ROBO2: variants seen among roughly 807,000 people sequenced by gnomAD.
The protein encoded by ROBO2 is roundabout homolog 2.
In ROBO2, 53 loss-of-function variants were observed where a neutral mutation model predicts 160.8. The ratio of observed to expected loss-of-function variants is 0.33; its 90% CI spans 0.26 to 0.41. The LOEUF (loss-of-function observed/expected upper bound fraction) is 0.41. Among genes scored for constraint, ROBO2 ranks in the 10% least tolerant of loss-of-function variants. The probability of loss-of-function intolerance (pLI) is 1.00; values close to 1 mark genes in which losing one functional copy is unlikely to be tolerated. For missense variants in ROBO2, 1,577 were observed against 1,722.4 expected (o/e 0.92, Z 1.49); for synonymous variants, 664 against 611.7 (o/e 1.09, Z -1.26).
chr3:76,870,123 C>A (rs1014885163), intron 2 of ROBO2, among the ~76,000 whole-genome samples: 1 of 152,166 alleles, frequency 6.6e-6, no homozygotes. Flanking sequence ...GTATGGATTT[C>A]TACTAGAATT....
At chr3:76,717,651 A>G (rs17746728) in intron 2 of ROBO2, among the ~76,000 whole-genome samples, 54,759 of 151,980 alleles carry the variant, frequency 0.36, 11,289 homozygotes, top group Non-Finnish European at 0.47. Context: ...ATTTTTGAAA[A>G]GGAAATATGA....
chr3:77,339,574 C>A (rs2066846427), intron 2 of ROBO2, among the ~76,000 whole-genome samples: 1 of 151,944 alleles, frequency 6.6e-6, no homozygotes. Context: ...CTTAAATAAT[C>A]CATTTAATGA....
At chr3:76,582,271 T>G (rs912924894) in intron 2 of ROBO2, among the ~76,000 whole-genome samples, 5 of 152,164 alleles carry the variant, frequency 3.3e-5, no homozygotes, top group Admixed American at 2.6e-4. Context: ...AGGCAGCCAA[T>G]TTTGTGGTTT....
intron 2 of ROBO2, among the ~76,000 whole-genome samples, chr3:75,986,613 T>C (rs1283912549): frequency 6.6e-6 from 1 of 151,704 alleles, no homozygotes; most frequent in Non-Finnish European, 1.5e-5. Flanking sequence ...TCAGAAATCA[T>C]TGCCAACTCT....
intron 2 of ROBO2, among the ~76,000 whole-genome samples, chr3:77,104,771 T>C (rs778384248): frequency 2.0e-5 from 3 of 152,190 alleles, no homozygotes; most frequent in Non-Finnish European, 4.4e-5. Context: ...TCCATATTAT[T>C]ATGTGACTGT....
At chr3:76,075,227 A>T (rs2068606625) in intron 2 of ROBO2, among the ~76,000 whole-genome samples, 1 of 151,850 alleles carries the variant, frequency 6.6e-6, no homozygotes, top group Admixed American at 6.6e-5. Context: ...AGTATCTACT[A>T]TCCACTATAC....
chr3:76,692,770 G>T (rs1312332148), intron 2 of ROBO2, among the ~76,000 whole-genome samples: 2 of 151,934 alleles, frequency 1.3e-5, no homozygotes, highest in African/African-American at 4.8e-5. Context: ...CATAATCCAA[G>T]TCACTTTTGG....
At chr3:77,262,459 A>T (rs1270378679) in intron 2 of ROBO2, among the ~76,000 whole-genome samples, 1 of 152,130 alleles carries the variant, frequency 6.6e-6, no homozygotes, top group African/African-American at 2.4e-5. Flanking sequence ...GTGTACTGGG[A>T]GTTGTGTATT....
intron 2 of ROBO2, among the ~76,000 whole-genome samples, chr3:77,248,018 G>C (rs1431845077): frequency 3.3e-5 from 5 of 151,978 alleles, no homozygotes; most frequent in Non-Finnish European, 7.4e-5. Flanking sequence ...CCCCCGTCCT[G>C]TGCCTGTAAA....
At chr3:77,596,515 G>T (rs1217701364) in intron 18 of ROBO2, 108 bp from the exon 20 acceptor site, 3 of 1,333,968 alleles carry the variant, frequency 2.2e-6, no homozygotes, top group South Asian at 1.2e-5. Context: ...ATATTAATTT[G>T]AAGTCAATGA....
chr3:77,609,706 TTTA>T (rs2094588844), intron 21 of ROBO2, among the ~76,000 whole-genome samples: 1 of 151,148 alleles, frequency 6.6e-6, no homozygotes, highest in Admixed American at 6.6e-5. Context: ...GGTGCAAATT[TTTA>T]TTATTTAACA....
chr3:77,296,180 C>T (rs368193096), intron 2 of ROBO2, among the ~76,000 whole-genome samples: 21 of 151,090 alleles, frequency 1.4e-4, no homozygotes, highest in African/African-American at 5.1e-4. Context: ...GAGGCTAGAT[C>T]ACCCCAGACA....
chr3:76,923,892 G>A (rs559369380), intron 2 of ROBO2, among the ~76,000 whole-genome samples: 1 of 152,300 alleles, frequency 6.6e-6, no homozygotes, highest in Admixed American at 6.5e-5. Flanking sequence ...ATGCGTTTGT[G>A]TTACCGGGAA....
chr3:76,338,545 T>C (rs1271564797), intron 2 of ROBO2, among the ~76,000 whole-genome samples: 1 of 151,820 alleles, frequency 6.6e-6, no homozygotes, highest in Non-Finnish European at 1.5e-5. Flanking sequence ...TAGTGGTGCA[T>C]GCCTGTAGTA....
chr3:76,153,436 GT>G (rs909467732), intron 2 of ROBO2, among the ~76,000 whole-genome samples: 2 of 152,128 alleles, frequency 1.3e-5, no homozygotes, highest in African/African-American at 4.8e-5. Flanking sequence ...AAAGCATTGA[GT>G]TTTTTGTTGT....
intron 2 of ROBO2, among the ~76,000 whole-genome samples, chr3:76,368,046 TA>T: frequency 6.6e-6 from 1 of 152,034 alleles, no homozygotes; most frequent in Middle Eastern, 3.4e-3. Flanking sequence ...ATGTTTAAAA[TA>T]AAATAGTCAT....
intron 2 of ROBO2, among the ~76,000 whole-genome samples, chr3:76,509,402 G>A (rs1353666176): frequency 6.6e-6 from 1 of 152,180 alleles, no homozygotes; most frequent in Non-Finnish European, 1.5e-5. Flanking sequence ...GCTCTTCTGG[G>A]TGGCAGCTTA....
intron 1 of ROBO2, among the ~76,000 whole-genome samples, chr3:77,071,485 C>T (rs915469837): frequency 1.8e-4 from 27 of 152,240 alleles, no homozygotes; most frequent in African/African-American, 5.8e-4. Flanking sequence ...ACCTTCTTCC[C>T]CATTCGCAAA....
At chr3:77,464,871 G>A (rs755000142) in intron 2 of ROBO2, among the ~76,000 whole-genome samples, 3 of 152,148 alleles carry the variant, frequency 2.0e-5, no homozygotes, top group Non-Finnish European at 4.4e-5. Flanking sequence ...GCCCTCTAAA[G>A]CAAAGGTCTT....
Sources: gnomAD v4.1 joint callset for allele counts (sites outside exome capture counted in the v4.1 genomes callset) on GRCh38, gnomAD v4.1.1 for gene constraint, MANE v1.5 for transcripts, NCBI Gene and HGNC (gene_info 2026-07-23, HGNC 2026-07-21) for gene names.